SCIN: variants seen among roughly 807,000 people sequenced by gnomAD.
SCIN encodes the protein scinderin.
Under a neutral mutation model 91.8 loss-of-function variants are expected in SCIN, and 91 were observed. The ratio of observed to expected loss-of-function variants is 0.99; its 90% confidence interval spans 0.84 to 1.18. SCIN has a LOEUF of 1.18. Among genes scored for constraint, SCIN ranks in the 50% most tolerant of loss-of-function variants. SCIN has a pLI of 0.00. For synonymous variants in SCIN, 367 were observed against 312.6 expected, an observed-to-expected ratio of 1.17 and a Z score of -1.84; for missense variants, 1,087 against 863.9, an observed-to-expected ratio of 1.26 and a Z score of -3.24.
chr7:12,581,618 C>T (rs1782489983), intron 3 of SCIN, among the ~76,000 whole-genome samples: 1 of 152,166 alleles, frequency 6.6e-6, no homozygotes, highest in African/African-American at 2.4e-5. Flanking sequence ...TGAATCTAAA[C>T]AGCCACCTAA....
intron 2 of SCIN, among the ~76,000 whole-genome samples, chr7:12,579,702 G>C (rs905523918): frequency 1.4e-4 from 22 of 152,300 alleles, no homozygotes; most frequent in African/African-American, 5.3e-4. Flanking sequence ...GATCACCTGA[G>C]GTCAGAAGTT....
Position 12,626,771 on chromosome 7 carries a change from T to A in SCIN, c.1169T>A (p.Met390Lys). 2.5e-6 allele frequency: 4 copies of A among 1,609,900 alleles called. No homozygotes were observed. The highest frequency in any genetic ancestry group is 2.2e-5 in the South Asian group (2 of 89,902). The change falls in exon 8 of 16, where the codon ATG (methionine) becomes AAG (lysine). Residue 390 changes from methionine (M) to lysine (K), a missense_variant. Met to Lys is a moderately conservative substitution (Grantham distance 95, BLOSUM62 -1). Transcript: ENST00000297029. ...CCGCAGATGGCAGCCCAGCACAATA[T>A]GGTGGATGATGGTTCTGGCAAAGTG... The part of the protein sequence containing the change: ...SSPQMAAQHN[M>K]VDDGSGKVEI...
chr7:12,648,200 A>T (rs2115302203), intron 13 of SCIN, among the ~76,000 whole-genome samples: 1 of 152,164 alleles, frequency 6.6e-6, no homozygotes, highest in East Asian at 1.9e-4. Context: ...AATAAAAAAA[A>T]TTTTGTACAT....
At chr7:12,633,379 T>A (rs1420943812) in intron 9 of SCIN, among the ~76,000 whole-genome samples, 6 of 152,220 alleles carry the variant, frequency 3.9e-5, no homozygotes. Context: ...AGAAAAAATA[T>A]GTCAAAGTAG....
chr7:12,578,068 G>C lies in SCIN; in HGVS notation c.204G>C (p.Lys68Asn), dbSNP rs1249883346. The C allele has an allele frequency of 3.9e-6, 6 of 1,541,980 alleles. No homozygotes were observed. The highest frequency in any genetic ancestry group is 5.2e-6 in the Non-Finnish European group (6 of 1,142,986). Residue 68 changes from lysine to asparagine, a missense_variant, in exon 2 of 16, where the codon AAG becomes AAC. Coordinates refer to ENST00000297029, the MANE Select transcript of SCIN (RefSeq NM_001112706.3). Reference sequence around the variant, plus strand: ...TGCTGTTGTTCACTGTTTTAGGAAAGGAGTGTTCCCAGGATGAAAGCACAG... The same window carrying C: ...TGCTGTTGTTCACTGTTTTAGGAAACGAGTGTTCCCAGGATGAAAGCACAG... ...FTYHLHFWLG[K>N]ECSQDESTAA...
intron 9 of SCIN, among the ~76,000 whole-genome samples, chr7:12,633,202 T>C (rs771937251): frequency 2.6e-5 from 4 of 152,124 alleles, no homozygotes; most frequent in Non-Finnish European, 5.9e-5. Flanking sequence ...TGAAATCACT[T>C]GTATGCTGAA....
intron 2 of SCIN, 87 bp from the exon 3 acceptor site, chr7:12,580,973 A>G: frequency 3.0e-6 from 4 of 1,329,418 alleles, no homozygotes; most frequent in Non-Finnish European, 4.1e-6. Flanking sequence ...AAACACCAGC[A>G]GTATTATTGT....
At position 12,604,559 on chromosome 7, in the gene SCIN, C is replaced by T. The variant is rs1173338098; in HGVS notation, c.562C>T (p.Leu188=). The T allele has an allele frequency of 6.4e-7, 1 of 1,551,808 alleles. No homozygotes were observed. ...CGSSCNKYER[L]KANQVATGIR... ...TTCCTCGTGCAACAAATATGAACGT[C>T]TGAAGGCAAACCAGGTAGCTACTGG... Residue 188 remains leucine (L), a synonymous_variant, in exon 4 of 16, where the codon CTG becomes TTG. Transcript: ENST00000297029.
rs113895831 is a variant in SCIN, at chr7:12,629,263, C to T, written c.1319+41C>T. On this transcript the variant is annotated intron_variant, in intron 9 of 15. Coordinates refer to ENST00000297029, the MANE Select transcript of SCIN (RefSeq NM_001112706.3). ...TAAAGATCTCGAGTTCCACAGGAGC[C>T]AGATTTTGCTCCAAAGTATTAAATT... 91 of 1,570,382 alleles carry T rather than the reference C, an allele frequency of 5.8e-5. No homozygotes were observed. The African/African-American group carries it at 9.4e-4, about 16-fold the overall frequency.
chr7:12,571,673 T>G (rs888068271), intron 1 of SCIN: 2 of 416,862 alleles, frequency 4.8e-6, no homozygotes, highest in East Asian at 7.3e-5. Context: ...TAGCTCTATA[T>G]GGGTATTTCA....
At chr7:12,617,559 C>G (rs1161210463) in intron 4 of SCIN, among the ~76,000 whole-genome samples, 5 of 152,094 alleles carry the variant, frequency 3.3e-5, no homozygotes, top group African/African-American at 1.2e-4. Context: ...ATCTTAATAC[C>G]TGAGATTTGC....
At chr7:12,638,285 C>G (rs1783793136) in intron 10 of SCIN, among the ~76,000 whole-genome samples, 1 of 152,104 alleles carries the variant, frequency 6.6e-6, no homozygotes, top group Admixed American at 6.6e-5. Context: ...TATCTCTCTC[C>G]CTCTCTCTCA....
chr7:12,657,538 G>GTGTGTA lies in SCIN; in HGVS notation c.*4824_*4825insGTGTAT, dbSNP rs1225844290. The GTGTGTA allele has an allele frequency of 3.6e-5, 1 of 27,622 alleles. No individual in the cohort carries two copies. The highest frequency in any genetic ancestry group is 8.6e-5 in the Non-Finnish European group (1 of 11,594). 1.7% of individuals were successfully genotyped at this position (27,622 alleles called of 1,614,324 possible). A position where few individuals can be genotyped will look rare whatever the true frequency, so the allele number is the denominator to read the frequency against. ...ATTTTTAAGTTTTATATATGTGTGT[G>GTGTGTA]TATATATATATATATATATATATAT... On this transcript the variant is annotated 3_prime_UTR_variant, in exon 16 of 16. Coordinates refer to ENST00000297029, the MANE Select transcript of SCIN (RefSeq NM_001112706.3).
rs1784176072 is a variant in SCIN, at chr7:12,657,109, C to G, written c.*4394C>G. ...TGGGTTTGAACAGTTTTTGTATTTT[C>G]TACTAAAATGAACATACACATATCC... is the stretch of plus-strand genomic sequence containing the variant. On this transcript the variant is annotated 3_prime_UTR_variant, in exon 16 of 16. Transcript: ENST00000297029. The G allele has an allele frequency of 6.6e-6, 1 of 150,812 alleles. No individual in the cohort carries two copies. Among genetic ancestry groups the G allele is most frequent in the African/African-American group, 2.4e-5 (1 of 40,968 alleles). 9.3% of individuals were successfully genotyped at this position (150,812 alleles called of 1,614,324 possible). A position where few individuals can be genotyped will look rare whatever the true frequency, so the allele number is the denominator to read the frequency against.
intron 3 of SCIN, among the ~76,000 whole-genome samples, chr7:12,599,494 TC>T (rs1782913244): frequency 6.6e-6 from 1 of 152,182 alleles, no homozygotes; most frequent in Admixed American, 6.6e-5. Flanking sequence ...TGTGCAAGTA[TC>T]TTTTTTATAT....
At chr7:12,616,917 A>G (rs182593132) in intron 4 of SCIN, among the ~76,000 whole-genome samples, 28 of 152,286 alleles carry the variant, frequency 1.8e-4, no homozygotes, top group Middle Eastern at 6.8e-3. Context: ...ACTTTTCTCC[A>G]GGTTTTGCCT....
chr7:12,571,149 G>A (rs1782262100), intron 1 of SCIN, 164 bp downstream of exon 1: 2 of 741,038 alleles, frequency 2.7e-6, no homozygotes, highest in Admixed American at 3.0e-5. Flanking sequence ...TCTCCCTACC[G>A]AAGTCAACTC....
chr7:12,616,082 C>T (rs1219702770), intron 4 of SCIN, among the ~76,000 whole-genome samples: 1 of 152,068 alleles, frequency 6.6e-6, no homozygotes, highest in African/African-American at 2.4e-5. Flanking sequence ...CTATTTTCTT[C>T]TCCATTTCTC....
Position 12,617,012 on chromosome 7 carries a change from T to A in SCIN, c.667-5789T>A, listed in dbSNP as rs1484582394. ...GACAAAGGTACATTACCAAGACATA[T>A]AGACTGCTTTATAAAATCATTAGAT... On this transcript the variant is annotated intron_variant, in intron 4 of 15. Transcript: ENST00000297029. 6.6e-5 allele frequency among the ~76,000 whole-genome samples: 10 copies of A among 152,256 alleles called. 1 individual carries two copies. The South Asian group carries it at 2.1e-3, about 32-fold the overall frequency.
Sources: gnomAD v4.1 joint callset for allele counts (sites outside exome capture counted in the v4.1 genomes callset) on GRCh38, gnomAD v4.1.1 for gene constraint, MANE v1.5 for transcripts, NCBI Gene and HGNC (gene_info 2026-07-23, HGNC 2026-07-21) for gene names.